Variants in NBEA observed in about 807,000 individuals in gnomAD.
The protein encoded by NBEA is lysosomal-trafficking regulator 2.
NBEA carries 44 observed loss-of-function variants against 343.4 expected under a neutral mutation model. The observed-to-expected ratio is 0.13, with a 90% CI of 0.10 to 0.16. The LOEUF (loss-of-function observed/expected upper bound fraction) is 0.16. Ranked by LOEUF, NBEA falls within the 10% of genes least tolerant of loss-of-function variation. The pLI is 1.00. For synonymous variants in NBEA, 1,175 were observed against 1,238.7 expected (o/e 0.95, Z 1.08); for missense variants, 2,555 against 3,631.3 (o/e 0.70, Z 7.62).
intron 38 of NBEA, among the ~76,000 whole-genome samples, chr13:35,359,817 G>GGT (rs905968630): frequency 1.0e-4 from 15 of 146,158 alleles, no homozygotes; most frequent in East Asian, 5.9e-4. Flanking sequence ...GAGTTTAATA[G>GGT]GTGTGTGTGT....
chr13:35,408,761 T>C (rs1000972672), intron 38 of NBEA, among the ~76,000 whole-genome samples: 6 of 152,214 alleles, frequency 3.9e-5, no homozygotes, highest in African/African-American at 1.4e-4. Context: ...TCAACATCAC[T>C]GATCTTAGGA....
chr13:35,522,677 CT>C (rs1408174684), intron 41 of NBEA, among the ~76,000 whole-genome samples: 7 of 151,898 alleles, frequency 4.6e-5, no homozygotes, highest in Non-Finnish European at 1.0e-4. Flanking sequence ...CAAGGAAGCA[CT>C]GCTGCCTGAG....
intron 55 of NBEA, among the ~76,000 whole-genome samples, chr13:35,656,891 A>G (rs1249443637): frequency 6.6e-6 from 1 of 152,196 alleles, no homozygotes; most frequent in Non-Finnish European, 1.5e-5. Context: ...CTACAACTAA[A>G]ATACTATAAG....
chr13:35,424,578 A>G (rs932185413), intron 38 of NBEA, among the ~76,000 whole-genome samples: 2 of 152,156 alleles, frequency 1.3e-5, no homozygotes, highest in Non-Finnish European at 2.9e-5. Context: ...TTTTTGCATC[A>G]ATGTTCATCA....
chr13:35,337,997 T>A (rs2039365230), intron 36 of NBEA, among the ~76,000 whole-genome samples: 1 of 151,896 alleles, frequency 6.6e-6, no homozygotes, highest in Admixed American at 6.6e-5. Context: ...TATAAGTAAC[T>A]ACTTTTAAAA....
intron 41 of NBEA, among the ~76,000 whole-genome samples, chr13:35,494,108 T>C (rs1337501835): frequency 1.3e-5 from 2 of 151,912 alleles, no homozygotes; most frequent in African/African-American, 4.8e-5. Flanking sequence ...ATATAAGGAA[T>C]ACAAAACCAA....
Position 35,627,295 on chromosome 13 carries a change from T to C in NBEA, c.7450-786T>C, listed in dbSNP as rs118073213. On this transcript the variant is annotated intron_variant, in intron 48 of 58. Transcript: ENST00000379939. ...GTGTCCTCTTTAAATCACTAGGAAG[T>C]TGATGATAAATGACTGCAGTAAGTG... Among the ~76,000 whole-genome samples the C allele has an allele frequency of 1.8e-3, 270 of 152,272 alleles. 5 individuals are homozygous for C. The East Asian group carries it at 0.049, about 28-fold the overall frequency.
intron 49 of NBEA, among the ~76,000 whole-genome samples, chr13:35,638,903 C>T (rs2083815833): frequency 6.6e-6 from 1 of 152,146 alleles, no homozygotes; most frequent in Non-Finnish European, 1.5e-5. Context: ...TATAATTCAA[C>T]ATGCCAAGGA....
intron 25 of NBEA, 112 bp downstream of exon 25, chr13:35,169,107 T>C (rs1250655986): frequency 2.8e-6 from 2 of 724,620 alleles, no homozygotes. Flanking sequence ...ATCTTTAACA[T>C]GAGACATATC....
intron 1 of NBEA, among the ~76,000 whole-genome samples, chr13:34,949,501 G>A (rs149698180): frequency 1.7e-4 from 26 of 152,280 alleles, no homozygotes; most frequent in African/African-American, 4.1e-4. Flanking sequence ...GAAAATCTGC[G>A]TTATGGAGGC....
intron 17 of NBEA, among the ~76,000 whole-genome samples, chr13:35,127,278 T>C (rs1231366869): frequency 6.6e-6 from 1 of 152,188 alleles, no homozygotes; most frequent in Non-Finnish European, 1.5e-5. Context: ...GTAAAAAGGA[T>C]GCTGTCAAAT....
chr13:35,124,955 G>T (rs1299294207), intron 17 of NBEA, among the ~76,000 whole-genome samples: 2 of 152,010 alleles, frequency 1.3e-5, no homozygotes, highest in Non-Finnish European at 2.9e-5. Flanking sequence ...AAAATAAACT[G>T]ACTGGAGAAA....
At chr13:35,664,286 G>A (rs1408505620) in intron 55 of NBEA, among the ~76,000 whole-genome samples, 1 of 152,136 alleles carries the variant, frequency 6.6e-6, no homozygotes, top group Non-Finnish European at 1.5e-5. Flanking sequence ...AGGAAAGAGG[G>A]GCACCAAGAC....
intron 18 of NBEA, among the ~76,000 whole-genome samples, chr13:35,142,639 CTT>C (rs1401739476): frequency 6.6e-6 from 1 of 152,240 alleles, no homozygotes; most frequent in South Asian, 2.1e-4. Context: ...CACACAAAGT[CTT>C]TCTCACATAA....
intron 36 of NBEA, among the ~76,000 whole-genome samples, chr13:35,327,034 A>G (rs555273118): frequency 2.0e-5 from 3 of 152,188 alleles, no homozygotes; most frequent in South Asian, 4.1e-4. Context: ...AAAATGTTCA[A>G]CATCACTAAT....
At chr13:35,105,437 T>C (rs1230243691) in intron 11 of NBEA, among the ~76,000 whole-genome samples, 3 of 152,056 alleles carry the variant, frequency 2.0e-5, no homozygotes, top group Admixed American at 6.6e-5. Context: ...ATCTCTGCTG[T>C]ACCAGCTACA....
chr13:35,237,308 G>C (rs1032612768), intron 34 of NBEA, among the ~76,000 whole-genome samples: 1 of 152,086 alleles, frequency 6.6e-6, no homozygotes, highest in African/African-American at 2.4e-5. Context: ...AGAACTCCTG[G>C]TATTGATCAG....
At chr13:35,322,924 A>C (rs545192111) in intron 36 of NBEA, among the ~76,000 whole-genome samples, 1 of 152,098 alleles carries the variant, frequency 6.6e-6, no homozygotes, top group Non-Finnish European at 1.5e-5. Context: ...ATCTCGGCTC[A>C]CTGCAACCTC....
chr13:35,060,976 T>G (rs1477456955), intron 8 of NBEA, among the ~76,000 whole-genome samples: 1 of 151,766 alleles, frequency 6.6e-6, no homozygotes, highest in Non-Finnish European at 1.5e-5. Context: ...TTATATTTTT[T>G]TGCCTTAAGT....
Sources: gnomAD v4.1 joint callset for allele counts (sites outside exome capture counted in the v4.1 genomes callset) on GRCh38, gnomAD v4.1.1 for gene constraint, MANE v1.5 for transcripts, NCBI Gene and HGNC (gene_info 2026-07-23, HGNC 2026-07-21) for gene names.